CEP250: variants seen among roughly 807,000 people sequenced by gnomAD.
The protein encoded by CEP250 is centrosome-associated protein CEP250.
Under a neutral mutation model 315.7 loss-of-function variants are expected in CEP250, and 242 were observed. The observed-to-expected ratio is 0.77, with a 90% CI of 0.69 to 0.85. The LOEUF (loss-of-function observed/expected upper bound fraction) is 0.85. Ranked by LOEUF, CEP250 falls within the 40% of genes least tolerant of loss-of-function variation. The pLI is 0.00. For missense variants in CEP250, 2,515 were observed against 2,886.4 expected, an observed-to-expected ratio of 0.87 and a Z score of 2.95; for synonymous variants, 1,088 against 1,175.0, an observed-to-expected ratio of 0.93 and a Z score of 1.51.
chr20:35,491,254 A>T lies in CEP250; in HGVS notation c.2797A>T (p.Thr933Ser). ...GAAGGAGAGAGTATCCCTCCTGGAG[A>T]CACTGCTGCAGACGCAGAAGGAGCT... ...TEKERVSLLE[T>S]LLQTQKELAD... is the part of the protein sequence containing the mutation. The change falls in exon 22 of 35, where the codon ACA becomes TCA. Residue 933 changes from threonine (T) to serine (S), a missense_variant. Coordinates refer to ENST00000397527, the MANE Select transcript of CEP250 (RefSeq NM_007186.6). 1.2e-6 allele frequency: 2 copies of T among 1,609,712 alleles called. No individual in the cohort carries two copies. Among genetic ancestry groups the T allele is most frequent in the Non-Finnish European group, 1.7e-6 (2 of 1,177,938 alleles).
At position 35,516,045 on chromosome 20, in the gene CEP250, A is replaced by G. The variant is rs1176936666; in HGVS notation, c.*4419A>G. The G allele has an allele frequency of 6.6e-6, 1 of 152,146 alleles. No individual in the cohort carries two copies. Among genetic ancestry groups the G allele is most frequent in the Non-Finnish European group, 1.5e-5 (1 of 68,064 alleles). The allele number at this position is 152,146 out of a possible 1,614,324, so 9.4% of individuals were successfully genotyped here. ...TTCTTAGCCTTTCATTGGCAATACT[A>G]CCAGCTCTATATATGCCCTTATAGG... On this transcript the variant is annotated 3_prime_UTR_variant, in exon 35 of 35. Transcript: ENST00000397527.
chr20:35,509,534 G>A (rs777556070), intron 33 of CEP250, among the ~76,000 whole-genome samples: 1 of 152,216 alleles, frequency 6.6e-6, no homozygotes, highest in Admixed American at 6.5e-5. Context: ...TACTCGTCTA[G>A]GTGAGGTATC....
intron 20 of CEP250, among the ~76,000 whole-genome samples, chr20:35,485,064 T>TA (rs587596547): frequency 0.31 from 39,924 of 128,950 alleles, 6,487 homozygotes; most frequent in South Asian, 0.47. Flanking sequence ...CCTATCTCTT[T>TA]AAAAAAAAAA....
chr20:35,465,420 C>CAAAAA (rs80078387), intron 5 of CEP250, among the ~76,000 whole-genome samples: 1 of 59,054 alleles, frequency 1.7e-5, no homozygotes, highest in Non-Finnish European at 3.6e-5. Flanking sequence ...ACTCTGTCTC[C>CAAAAA]AAAAAAAAAA....
rs1273655879 is a variant in CEP250, at chr20:35,502,440, G to A, written c.4071G>A (p.Val1357=). The A allele has an allele frequency of 6.2e-7, 1 of 1,614,094 alleles. No individual in the cohort carries two copies. The highest frequency in any genetic ancestry group is 8.5e-7 in the Non-Finnish European group (1 of 1,179,990). Residue 1357 remains valine, a synonymous_variant, in exon 30 of 35, where the codon GTG becomes GTA. Transcript: ENST00000397527. ...QAAKENLTAQ[V]EHLQAAVVEA... is the part of the protein sequence containing the mutation. ...CCAAGGAGAACCTGACAGCCCAGGT[G>A]GAACACCTGCAAGCAGCTGTCGTAG... is the stretch of plus-strand genomic sequence containing the variant.
chr20:35,457,722 C>T (rs1230096113), intron 1 of CEP250, among the ~76,000 whole-genome samples: 11 of 151,894 alleles, frequency 7.2e-5, no homozygotes, highest in South Asian at 6.3e-4. Flanking sequence ...TTGCCTGAAC[C>T]GGGGAGGCAG....
At position 35,468,621 on chromosome 20, in the gene CEP250, T is replaced by C. The variant is rs183814078; in HGVS notation, c.851+1066T>C. Among the ~76,000 whole-genome samples, 28 of 152,284 alleles carry C rather than the reference T, an allele frequency of 1.8e-4. No individual in the cohort carries two copies. In the Middle Eastern group the frequency reaches 0.014, roughly 74 times the overall value. Reference sequence around the variant, plus strand: ...CAAAAGCAGGCCATGTCTTCGTAAGTTTTTATTTCTAGTACTTTGTACTTC... The same window carrying C: ...CAAAAGCAGGCCATGTCTTCGTAAGCTTTTATTTCTAGTACTTTGTACTTC... On this transcript the variant is annotated intron_variant, in intron 9 of 34. Transcript: ENST00000397527.
At chr20:35,467,205 A>G in intron 8 of CEP250, 99 bp from the exon 9 acceptor site, 2 of 1,474,522 alleles carry the variant, frequency 1.4e-6, no homozygotes, top group Non-Finnish European at 1.9e-6. Flanking sequence ...GAAGCAGATG[A>G]TTTTTCCCAG....
intron 34 of CEP250, among the ~76,000 whole-genome samples, chr20:35,510,326 G>C (rs2147229816): frequency 1.3e-5 from 2 of 152,350 alleles, no homozygotes; most frequent in East Asian, 1.9e-4. Context: ...TAGGAGGACA[G>C]GTGGGAGCAA....
Position 35,498,083 on chromosome 20 carries a change from C to A in CEP250, c.3655+16C>A. The A allele has an allele frequency of 6.5e-7, 1 of 1,528,146 alleles. No individual in the cohort carries two copies. Among genetic ancestry groups the A allele is most frequent in the East Asian group, 2.3e-5 (1 of 43,590 alleles). 94.7% of individuals were successfully genotyped at this position (1,528,146 alleles called of 1,614,324 possible). On this transcript the variant is annotated intron_variant, in intron 26 of 34. Transcript: ENST00000397527. The stretch of plus-strand genomic sequence containing the variant: ...CTTGAGCCAGGTGAGACAGCCTCCC[C>A]AGAACTAGGTCCTTTGGGCCAAAGC...
chr20:35,456,942 T>G (rs993143789), intron 1 of CEP250, among the ~76,000 whole-genome samples: 1 of 152,092 alleles, frequency 6.6e-6, no homozygotes, highest in Admixed American at 6.5e-5. Context: ...CCACCGTGCC[T>G]GGCTAATTTT....
At chr20:35,470,193 G>A (rs2062990764) in intron 10 of CEP250, 1 of 588,628 alleles carries the variant, frequency 1.7e-6, no homozygotes, top group African/African-American at 1.9e-5. Flanking sequence ...TATCCCTACT[G>A]TATTCCTGGG....
Position 35,502,882 on chromosome 20 carries a change from G to A in CEP250, c.4513G>A (p.Val1505Met), listed in dbSNP as rs749627637. The A allele has an allele frequency of 1.2e-6, 2 of 1,614,128 alleles. No homozygotes were observed. The highest frequency in any genetic ancestry group is 1.7e-6 in the Non-Finnish European group (2 of 1,180,050). The part of the protein sequence containing the change: ...AVQEREQKLT[V>M]QREQIRELEK... ...CCAGGAGCGAGAGCAGAAGCTGACTGTGCAGAGGGAGCAGATCAGAGAGCT... is the reference window on the plus strand; with the variant it reads ...CCAGGAGCGAGAGCAGAAGCTGACTATGCAGAGGGAGCAGATCAGAGAGCT... The change falls in exon 30 of 35, where the codon GTG (valine) becomes ATG (methionine). Residue 1505 changes from valine (V) to methionine (M), a missense_variant. Physicochemically the swap from Val to Met is conservative, Grantham distance 21. Coordinates refer to ENST00000397527, the MANE Select transcript of CEP250 (RefSeq NM_007186.6).
rs61729986 is a variant in CEP250, at chr20:35,504,580, G to A, written c.6211G>A (p.Glu2071Lys). The part of the protein sequence containing the change: ...LEKSLAQRVQ[E>K]NMIQEKQNLG... The stretch of plus-strand genomic sequence containing the variant: ...GAAGTCTCTGGCCCAGAGGGTCCAA[G>A]AGAATATGATCCAAGAGAAGCAGAA... The change falls in exon 30 of 35, where the codon GAG becomes AAG. Residue 2071 changes from glutamate to lysine, a missense_variant. Transcript: ENST00000397527. 2,357 of 1,614,194 alleles carry A rather than the reference G, an allele frequency of 1.5e-3. 32 individuals are homozygous for A. In the African/African-American group the frequency reaches 0.027, roughly 19 times the overall value.
At chr20:35,502,057 A>T in intron 29 of CEP250, 91 bp downstream of exon 29, 1 of 1,442,942 alleles carries the variant, frequency 6.9e-7, no homozygotes, top group Non-Finnish European at 9.3e-7. Context: ...CACTTCCTTC[A>T]GCAAGTCTGT....
intron 23 of CEP250, 200 bp from the exon 24 acceptor site, chr20:35,494,324 G>A (rs1310967887): frequency 6.6e-6 from 4 of 608,476 alleles, no homozygotes; most frequent in Non-Finnish European, 5.6e-6. Flanking sequence ...TGTGAGGCTG[G>A]GAGGCAGATG....
At chr20:35,471,059 T>G (rs2063014027) in intron 10 of CEP250, among the ~76,000 whole-genome samples, 1 of 152,212 alleles carries the variant, frequency 6.6e-6, no homozygotes, top group Non-Finnish European at 1.5e-5. Context: ...ACACCCCTAG[T>G]CTTCTCATCC....
intron 29 of CEP250, 120 bp from the exon 30 acceptor site, chr20:35,502,269 CT>C: frequency 2.2e-5 from 18 of 834,220 alleles, no homozygotes; most frequent in South Asian, 5.5e-5. Flanking sequence ...TATACCACCA[CT>C]TTTTTTTGCC....
chr20:35,471,431 G>T (rs1601150693), intron 10 of CEP250, among the ~76,000 whole-genome samples: 1 of 152,176 alleles, frequency 6.6e-6, no homozygotes, highest in South Asian at 2.1e-4. Flanking sequence ...ATATTTTTAT[G>T]TAAAATCTTT....
Sources: gnomAD v4.1 joint callset for allele counts (sites outside exome capture counted in the v4.1 genomes callset) on GRCh38, gnomAD v4.1.1 for gene constraint, MANE v1.5 for transcripts, NCBI Gene and HGNC (gene_info 2026-07-23, HGNC 2026-07-21) for gene names.